MAST3: variants seen among roughly 807,000 people sequenced by gnomAD.
MAST3 encodes the protein microtubule-associated serine/threonine-protein kinase 3.
In MAST3, 43 loss-of-function variants were observed where a neutral mutation model predicts 127.0. The ratio of observed to expected loss-of-function variants is 0.34; its 90% confidence interval spans 0.27 to 0.44. The LOEUF is 0.44. MAST3 is among the 20% of genes least tolerant of loss of function. The pLI is 1.00. For synonymous variants in MAST3, 785 were observed against 809.2 expected, an observed-to-expected ratio of 0.97 and a Z score of 0.51; for missense variants, 1,390 against 1,919.1, an observed-to-expected ratio of 0.72 and a Z score of 5.15.
intron 18 of MAST3, 46 bp downstream of exon 18, chr19:18,135,887 C>G (rs1387726945): frequency 6.8e-7 from 1 of 1,477,846 alleles, no homozygotes; most frequent in African/African-American, 1.4e-5. Flanking sequence ...CCTTCAGGCC[C>G]TGGGACCCAG....
intron 21 of MAST3, among the ~76,000 whole-genome samples, chr19:18,142,628 G>A (rs947337371): frequency 6.6e-6 from 1 of 151,344 alleles, no homozygotes; most frequent in Admixed American, 6.6e-5. Context: ...AGGATTACAG[G>A]CGTGAGCCAA....
chr19:18,134,596 T>A lies in MAST3; in HGVS notation c.1589T>A (p.Leu530His). The A allele has an allele frequency of 6.2e-7, 1 of 1,612,760 alleles. No homozygotes were observed. Among genetic ancestry groups the A allele is most frequent in the Non-Finnish European group, 8.5e-7 (1 of 1,179,284 alleles). The change falls in exon 16 of 28, where the codon CTT becomes CAT. Residue 530 changes from leucine to histidine, a missense_variant. Transcript: ENST00000687212. ...LKPDNLLITS[L>H]GHIKLTDFGL... The stretch of plus-strand genomic sequence containing the variant: ...GCCCACAGTCTGCTCATCACCTCGC[T>A]TGGCCACATCAAGCTCACGGACTTC...
chr19:18,148,067 C>T (rs576188391), intron 27 of MAST3, among the ~76,000 whole-genome samples: 73 of 152,058 alleles, frequency 4.8e-4, no homozygotes, highest in African/African-American at 1.7e-3. Flanking sequence ...TTTGGGAGGC[C>T]GAGGCAGGTG....
chr19:18,134,806 C>A lies in MAST3; in HGVS notation c.1705-11C>A. 6.2e-7 allele frequency: 1 copy of A among 1,613,962 alleles called. No individual in the cohort carries two copies. Among genetic ancestry groups the A allele is most frequent in the South Asian group, 1.1e-5 (1 of 91,084 alleles). Reference sequence around the variant, plus strand: ...GGGCTGGCCTCAGTTTCCCCGTTCTCCCTGGCCCAGGTGTGTGGGACGCCG... The same window carrying A: ...GGGCTGGCCTCAGTTTCCCCGTTCTACCTGGCCCAGGTGTGTGGGACGCCG... On this transcript the variant is annotated splice_polypyrimidine_tract_variant and intron_variant, in intron 16 of 27. Transcript: ENST00000687212.
At chr19:18,119,194 C>T (rs145138349) in intron 3 of MAST3, among the ~76,000 whole-genome samples, 1 of 152,286 alleles carries the variant, frequency 6.6e-6, no homozygotes, top group African/African-American at 2.4e-5. Context: ...CCTTTGAGGC[C>T]TCACATTTGG....
Position 18,123,315 on chromosome 19 carries a change from T to C in MAST3, c.498T>C (p.Asn166=). 1 of 1,613,754 alleles carries C rather than the reference T, an allele frequency of 6.2e-7. No individual in the cohort carries two copies. Among genetic ancestry groups the C allele is most frequent in the South Asian group, 1.1e-5 (1 of 91,076 alleles). Reference sequence around the variant, plus strand: ...CCAAGCACTTCCGCAGCTCAGAGAATGTGCTTGATGAGGAAGGCGGCCGGT... The same window carrying C: ...CCAAGCACTTCCGCAGCTCAGAGAACGTGCTTGATGAGGAAGGCGGCCGGT... ...FLSKHFRSSE[N]VLDEEGGRSP... The change falls in exon 7 of 28, where the codon AAT becomes AAC. Residue 166 remains asparagine, a synonymous_variant. Transcript: ENST00000687212.
Position 18,150,427 on chromosome 19 carries a change from G to A in MAST3, c.*701G>A, listed in dbSNP as rs1360543620. ...AGGATGCACTTTGGACAAGTCATCT[G>A]TGTTTGTGTTTTCCAGTTTTTCTGT... On this transcript the variant is annotated 3_prime_UTR_variant, in exon 28 of 28. Coordinates refer to ENST00000687212, the MANE Select transcript of MAST3 (RefSeq NM_001393504.1). 1.3e-5 allele frequency: 2 copies of A among 152,292 alleles called. No homozygotes were observed. The highest frequency in any genetic ancestry group is 2.9e-5 in the Non-Finnish European group (2 of 68,092). 9.4% of individuals were successfully genotyped at this position (152,292 alleles called of 1,614,324 possible).
At position 18,144,809 on chromosome 19, in the gene MAST3, G is replaced by A; in HGVS notation, c.2812+116G>A. ...TGAGCCCCAGAAGAGGGGAGGAGGA[G>A]TAGGACACATGGAGAGCTGGGGAGA... is the stretch of plus-strand genomic sequence containing the variant. On this transcript the variant is annotated intron_variant, in intron 23 of 27. Transcript: ENST00000687212. This position sits in a 1 kb window ranked among gnomAD's most constrained non-coding sequence, Gnocchi z 4.0. 8.6e-7 allele frequency: 1 copy of A among 1,162,396 alleles called. No individual in the cohort carries two copies. Among genetic ancestry groups the A allele is most frequent in the Non-Finnish European group, 1.3e-6 (1 of 797,174 alleles). 72.0% of individuals were successfully genotyped at this position (1,162,396 alleles called of 1,614,324 possible).
chr19:18,136,809 T>TTTGTTG (rs35705741), intron 18 of MAST3, among the ~76,000 whole-genome samples: 27 of 151,312 alleles, frequency 1.8e-4, no homozygotes, highest in African/African-American at 4.9e-4. Flanking sequence ...TTTCTGGTTC[T>TTTGTTG]TTGTTGTTGT....
rs753778791 is a variant in MAST3 at position 18,144,683 on chromosome 19, C to G, written c.2802C>G (p.Ile934Met). 16 of 1,608,126 alleles carry G rather than the reference C, an allele frequency of 9.9e-6. No homozygotes were observed. Among genetic ancestry groups the G allele is most frequent in the African/African-American group, 9.3e-5 (7 of 74,942 alleles). Residue 934 changes from isoleucine (I) to methionine (M), a missense_variant, in exon 23 of 28, where the codon ATC becomes ATG. Physicochemically the swap from Ile to Met is conservative, Grantham distance 10 (BLOSUM62 1). Coordinates refer to ENST00000687212, the MANE Select transcript of MAST3 (RefSeq NM_001393504.1). This position sits in a 1 kb window ranked among gnomAD's most constrained non-coding sequence, Gnocchi z 4.0. The stretch of plus-strand genomic sequence containing the variant: ...CCTCTGTCTCTGCCCTGTCCCTCAT[C>G]ATCACGGCAGGTAATGCCCAAGGCC... ...KSASVSALSL[I>M]ITADDGSGGP...
At chr19:18,140,426 C>T (rs1157801248) in intron 20 of MAST3, among the ~76,000 whole-genome samples, 1 of 152,142 alleles carries the variant, frequency 6.6e-6, no homozygotes, top group Non-Finnish European at 1.5e-5. Flanking sequence ...GCATTCAGCA[C>T]ATTCATAATG....
At chr19:18,139,154 C>A (rs1193966147) in intron 20 of MAST3, 30 bp downstream of exon 20, 2 of 1,456,500 alleles carry the variant, frequency 1.4e-6, no homozygotes, top group East Asian at 2.4e-5. Flanking sequence ...GGAGCCACTG[C>A]TCAGAAAACA....
intron 1 of MAST3, 22 bp from the exon 2 acceptor site, chr19:18,107,565 C>A (rs1156331952): frequency 1.9e-6 from 3 of 1,612,948 alleles, no homozygotes; most frequent in Non-Finnish European, 1.7e-6. Context: ...TGAGAATGAT[C>A]CCCATTTCTG....
intron 1 of MAST3, among the ~76,000 whole-genome samples, chr19:18,103,866 A>G (rs1007250685): frequency 2.6e-5 from 4 of 152,088 alleles, no homozygotes; most frequent in Admixed American, 2.6e-4. Flanking sequence ...ACCCCCCACC[A>G]GGGTTCAAAT....
At position 18,134,825 on chromosome 19, in the gene MAST3, G is replaced by A; in HGVS notation, c.1713G>A (p.Gly571=). ...AREFIDKQVC[G]TPEYIAPEVI... is the part of the protein sequence containing the mutation. ...CGTTCTCCCTGGCCCAGGTGTGTGG[G>A]ACGCCGGAGTACATAGCCCCCGAGG... The change falls in exon 17 of 28, where the codon GGG becomes GGA. Residue 571 remains glycine (G), a synonymous_variant. Transcript: ENST00000687212. The A allele has an allele frequency of 6.2e-7, 1 of 1,614,010 alleles. No individual in the cohort carries two copies. The highest frequency in any genetic ancestry group is 8.5e-7 in the Non-Finnish European group (1 of 1,179,894).
Position 18,121,699 on chromosome 19 carries a change from A to G in MAST3, c.176A>G (p.Asn59Ser). The change falls in exon 4 of 28, where the codon AAC (asparagine) becomes AGC (serine). Residue 59 changes from asparagine to serine, a missense_variant. By Grantham distance (46) the Asn-to-Ser change is conservative. Transcript: ENST00000687212. ...GLHPWSCRSG[N>S]RKSLVVGTPS... ...TCCCCCCACAGCTGCCGCAGCGGGA[A>G]CCGCAAGAGCTTGGTGGTAGGAACG... 6.2e-7 allele frequency: 1 copy of G among 1,613,818 alleles called. No homozygotes were observed. The highest frequency in any genetic ancestry group is 8.5e-7 in the Non-Finnish European group (1 of 1,179,850).
chr19:18,134,752 C>G (rs1180062486), intron 16 of MAST3, 41 bp downstream of exon 16: 3 of 1,613,200 alleles, frequency 1.9e-6, no homozygotes, highest in East Asian at 2.2e-5. Flanking sequence ...GATGCCTCCT[C>G]CTCTCTCCTG....
intron 15 of MAST3, 52 bp downstream of exon 15, chr19:18,132,099 A>T: frequency 6.2e-7 from 1 of 1,602,338 alleles, no homozygotes; most frequent in South Asian, 1.1e-5. Flanking sequence ...GCCAGAGAGG[A>T]TCAGGGGCGG....
Position 18,147,056 on chromosome 19 carries a change from G to T in MAST3, c.3326+12G>T, listed in dbSNP as rs911727336. 1.3e-5 allele frequency: 19 copies of T among 1,513,584 alleles called. No homozygotes were observed. The highest frequency in any genetic ancestry group is 1.5e-5 in the Non-Finnish European group (17 of 1,133,572). The allele number at this position is 1,513,584 out of a possible 1,614,324, so 93.8% of individuals were successfully genotyped here. ...ACCACCAGGGAGCGGTACACAGGGG[G>T]CGGGGCCACGGGGACTGGGGTTCTT... On this transcript the variant is annotated intron_variant, in intron 26 of 27. Transcript: ENST00000687212.
Sources: gnomAD v4.1 joint callset for allele counts (sites outside exome capture counted in the v4.1 genomes callset) on GRCh38, gnomAD v4.1.1 for gene constraint, Gnocchi (gnomAD v3.1) non-coding constraint, MANE v1.5 for transcripts, NCBI Gene and HGNC (gene_info 2026-07-23, HGNC 2026-07-21) for gene names.